GRB14: variants seen among roughly 807,000 people sequenced by gnomAD.
The protein encoded by GRB14 is growth factor receptor-bound protein 14.
In GRB14, 38 loss-of-function variants were observed where a neutral mutation model predicts 69.1. The observed-to-expected ratio is 0.55, with a 90% CI of 0.42 to 0.72. GRB14 has a LOEUF of 0.72. Among genes scored for constraint, GRB14 ranks in the 30% least tolerant of loss-of-function variants. The pLI, the probability that GRB14 is intolerant of heterozygous loss-of-function variation, is 0.00. For missense variants in GRB14, 666 were observed against 666.1 expected, an observed-to-expected ratio of 1.00 and a Z score of 0.00; for synonymous variants, 247 against 241.3, an observed-to-expected ratio of 1.02 and a Z score of -0.22.
chr2:164,531,949 A>G (rs1472272099), intron 3 of GRB14, among the ~76,000 whole-genome samples: 1 of 152,196 alleles, frequency 6.6e-6, no homozygotes, highest in Non-Finnish European at 1.5e-5. Context: ...GTACGGGGCA[A>G]GAGTATTGTA....
At chr2:164,598,958 C>G (rs190952623) in intron 2 of GRB14, among the ~76,000 whole-genome samples, 18 of 152,318 alleles carry the variant, frequency 1.2e-4, no homozygotes, top group African/African-American at 3.8e-4. Context: ...CGTTACATCT[C>G]ATGACTTTGT....
intron 2 of GRB14, among the ~76,000 whole-genome samples, chr2:164,603,596 G>A (rs1215998696): frequency 6.6e-6 from 1 of 151,494 alleles, no homozygotes; most frequent in Non-Finnish European, 1.5e-5. Flanking sequence ...CCTGGAGGCA[G>A]AGGTTGCAGT....
At chr2:164,553,975 A>G (rs1418553830) in intron 2 of GRB14, among the ~76,000 whole-genome samples, 1 of 152,140 alleles carries the variant, frequency 6.6e-6, no homozygotes, top group Admixed American at 6.5e-5. Context: ...ATATATATAT[A>G]TAAAAGGAAA....
intron 9 of GRB14, among the ~76,000 whole-genome samples, chr2:164,499,834 A>C (rs1687002845): frequency 6.6e-6 from 1 of 152,108 alleles, no homozygotes; most frequent in African/African-American, 2.4e-5. Flanking sequence ...CATTAGCAAA[A>C]GGGCACACAA....
At position 164,495,286 on chromosome 2, in the gene GRB14, C is replaced by G. The variant is rs1425562728; in HGVS notation, c.1383-762G>C. Among the ~76,000 whole-genome samples the G allele has an allele frequency of 4.6e-5, 7 of 152,200 alleles. No individual in the cohort carries two copies. In the East Asian group the frequency reaches 1.4e-3, roughly 29 times the overall value. The stretch of plus-strand genomic sequence containing the variant: ...AACCCCCTCTTCTATACTGGATACC[C>G]TTTCTTTTGATTCTGGTTTCAACTG... On this transcript the variant is annotated intron_variant, in intron 12 of 13. Coordinates refer to ENST00000263915, the MANE Select transcript of GRB14 (RefSeq NM_004490.3).
At chr2:164,619,506 C>T (rs189632238) in intron 2 of GRB14, among the ~76,000 whole-genome samples, 181 bp downstream of exon 2, 5 of 152,228 alleles carry the variant, frequency 3.3e-5, no homozygotes, top group East Asian at 1.9e-4. Flanking sequence ...TCCCATTATA[C>T]GGCTTAGAAG....
At chr2:164,519,504 G>C (rs1687579897) in intron 6 of GRB14, among the ~76,000 whole-genome samples, 1 of 152,050 alleles carries the variant, frequency 6.6e-6, no homozygotes, top group Non-Finnish European at 1.5e-5. Flanking sequence ...GAAAGTCCTA[G>C]CCAGAGCAAT....
chr2:164,534,374 A>G (rs1354661875), intron 3 of GRB14, among the ~76,000 whole-genome samples: 1 of 152,226 alleles, frequency 6.6e-6, no homozygotes, highest in Non-Finnish European at 1.5e-5. Context: ...CCTGGGAGGC[A>G]TAATTGAATA....
At chr2:164,563,334 A>G (rs1344631656) in intron 2 of GRB14, among the ~76,000 whole-genome samples, 4 of 152,152 alleles carry the variant, frequency 2.6e-5, no homozygotes, top group African/African-American at 9.7e-5. Flanking sequence ...CGAGTTACCC[A>G]CCAATATCCA....
chr2:164,569,589 T>C (rs1001494698), intron 2 of GRB14, among the ~76,000 whole-genome samples: 2 of 152,174 alleles, frequency 1.3e-5, no homozygotes, highest in African/African-American at 4.8e-5. Context: ...AAACTTTCCA[T>C]TTCGTTATCT....
intron 2 of GRB14, among the ~76,000 whole-genome samples, chr2:164,561,411 T>A (rs1295624663): frequency 6.6e-6 from 1 of 152,196 alleles, no homozygotes; most frequent in Non-Finnish European, 1.5e-5. Context: ...ACAGTCCTGT[T>A]GAGCTCTAAG....
At chr2:164,531,098 AG>A (rs1342078020) in intron 3 of GRB14, among the ~76,000 whole-genome samples, 1 of 152,196 alleles carries the variant, frequency 6.6e-6, no homozygotes, top group Non-Finnish European at 1.5e-5. Context: ...AAAGTACTTG[AG>A]GAAGACATCA....
Position 164,508,500 on chromosome 2 carries a change from T to A in GRB14, c.978A>T (p.Glu326Asp). 1 of 1,614,128 alleles carries A rather than the reference T, an allele frequency of 6.2e-7. No individual in the cohort carries two copies. Among genetic ancestry groups the A allele is most frequent in the Non-Finnish European group, 8.5e-7 (1 of 1,179,990 alleles). Residue 326 changes from glutamate (E) to aspartate (D), a missense_variant, in exon 8 of 14, where the codon GAA becomes GAT. Glu to Asp is a conservative substitution (Grantham distance 45). Coordinates refer to ENST00000263915, the MANE Select transcript of GRB14 (RefSeq NM_004490.3). The stretch of plus-strand genomic sequence containing the variant: ...TCACCCAGCACGTCCTACTCTGCTC[T>A]TCTTCTGCACAGAGCATTTTCAGGT... ...PRDLKMLCAE[E>D]EQSRTCWVTA...
chr2:164,619,629 G>T, intron 2 of GRB14, 58 bp downstream of exon 2: 2 of 1,171,710 alleles, frequency 1.7e-6, no homozygotes, highest in Non-Finnish European at 2.4e-6. Flanking sequence ...ACACCTTAAA[G>T]ACTGTATGGA....
chr2:164,564,182 T>TA (rs1688906565), intron 2 of GRB14, among the ~76,000 whole-genome samples: 1 of 152,162 alleles, frequency 6.6e-6, no homozygotes, highest in East Asian at 1.9e-4. Context: ...GTGTTGTCTA[T>TA]AGGCTGCAGA....
In GRB14 at chr2:164,493,247, A is replaced by G. The variant is rs1471788273; in HGVS notation, c.1477-65T>C. ...TTACACAGAAGGACAATCATATTCG[A>G]TTGCAAACTATCTCCACATGCCAAA... On this transcript the variant is annotated intron_variant, in intron 13 of 13. Coordinates refer to ENST00000263915, the MANE Select transcript of GRB14 (RefSeq NM_004490.3). 5 of 1,450,608 alleles carry G rather than the reference A, an allele frequency of 3.4e-6. No homozygotes were observed. The Admixed American group carries it at 9.7e-5, about 28-fold the overall frequency. The allele number at this position is 1,450,608 out of a possible 1,614,324, so 89.9% of individuals were successfully genotyped here.
At chr2:164,555,838 G>A (rs550150350) in intron 2 of GRB14, among the ~76,000 whole-genome samples, 1 of 151,698 alleles carries the variant, frequency 6.6e-6, no homozygotes, top group Non-Finnish European at 1.5e-5. Flanking sequence ...CTAAAGCTAA[G>A]CTTATTTCTA....
chr2:164,580,559 C>T (rs181037171), intron 2 of GRB14, among the ~76,000 whole-genome samples: 71 of 152,028 alleles, frequency 4.7e-4, no homozygotes, highest in Non-Finnish European at 3.5e-4. Context: ...ACAAAATTAG[C>T]CAGGTGTGGT....
chr2:164,493,021 T>A lies in GRB14; in HGVS notation c.*15A>T, dbSNP rs1686797218. On this transcript the variant is annotated 3_prime_UTR_variant, in exon 14 of 14. Transcript: ENST00000263915. ...CCTTTTCCTTCAATAGTTTAATAAG[T>A]CACTTCTGGCTTGTCTAGAGAGCAA... 2 of 1,598,910 alleles carry A rather than the reference T, an allele frequency of 1.3e-6. No individual in the cohort carries two copies. The highest frequency in any genetic ancestry group is 1.3e-5 in the African/African-American group (1 of 74,266).
Sources: gnomAD v4.1 joint callset for allele counts (sites outside exome capture counted in the v4.1 genomes callset) on GRCh38, gnomAD v4.1.1 for gene constraint, MANE v1.5 for transcripts, NCBI Gene and HGNC (gene_info 2026-07-23, HGNC 2026-07-21) for gene names.